The following NGEF variants were observed in gnomAD, a reference collection of about 807,000 sequenced individuals.
The protein encoded by NGEF is neuronal guanine nucleotide exchange factor.
Under a neutral mutation model 80.9 loss-of-function variants are expected in NGEF, and 31 were observed. The observed-to-expected ratio is 0.38, with a 90% CI of 0.29 to 0.52. The LOEUF (loss-of-function observed/expected upper bound fraction) is 0.52, where lower values mean the gene tolerates loss of function less well. Among genes scored for constraint, NGEF ranks in the 20% least tolerant of loss-of-function variants. NGEF has a pLI of 0.84. For missense variants in NGEF, 709 were observed against 926.2 expected, an observed-to-expected ratio of 0.77 and a Z score of 3.04; for synonymous variants, 371 against 370.2, an observed-to-expected ratio of 1.00 and a Z score of -0.03.
rs562253295 is a variant in NGEF, at chr2:232,888,116, A to C, written c.1273-9T>G. On this transcript the variant is annotated splice_polypyrimidine_tract_variant and intron_variant, in intron 8 of 14. Coordinates refer to ENST00000264051, the MANE Select transcript of NGEF (RefSeq NM_019850.3). ...ACCCTCTTCAGGATGTTCTATGCAC[A>C]GAGAAAGGCTGCGTTAACTTTAATC... 6.4e-7 allele frequency: 1 copy of C among 1,573,434 alleles called. No individual in the cohort carries two copies. The highest frequency in any genetic ancestry group is 1.2e-5 in the South Asian group (1 of 85,000).
At chr2:232,989,561 G>C (rs1428831670) in intron 1 of NGEF, among the ~76,000 whole-genome samples, 1 of 152,118 alleles carries the variant, frequency 6.6e-6, no homozygotes, top group African/African-American at 2.4e-5. Flanking sequence ...ACAGAAATGA[G>C]TCTATTCTAA....
chr2:233,007,802 T>A (rs376118799), intron 1 of NGEF, among the ~76,000 whole-genome samples: 1 of 152,212 alleles, frequency 6.6e-6, no homozygotes, highest in Non-Finnish European at 1.5e-5. Context: ...GATTTAGGAA[T>A]GCTTCCAAAG....
At chr2:233,008,517 A>T (rs1695135723) in intron 1 of NGEF, among the ~76,000 whole-genome samples, 1 of 152,224 alleles carries the variant, frequency 6.6e-6, no homozygotes, top group Non-Finnish European at 1.5e-5. Context: ...GCACCTTGGG[A>T]CTGACCCTGG....
At position 232,901,949 on chromosome 2, in the gene NGEF, G is replaced by A. The variant is rs183627770; in HGVS notation, c.829-7033C>T. On this transcript the variant is annotated intron_variant, in intron 5 of 14. Transcript: ENST00000264051. ...GGGCCACCTGGGCCGCTGAAGACCC[G>A]GCCTCAGTCTGTCCTCGGCAGGGCA... Among the ~76,000 whole-genome samples the A allele has an allele frequency of 1.4e-3, 216 of 152,350 alleles. 2 individuals carry two copies. The highest frequency in any genetic ancestry group is 4.2e-3 in the Admixed American group (65 of 15,306).
intron 3 of NGEF, among the ~76,000 whole-genome samples, chr2:232,931,334 C>G (rs973499018): frequency 2.0e-5 from 3 of 152,204 alleles, no homozygotes; most frequent in Admixed American, 6.5e-5. Context: ...CCACGCTTCT[C>G]TGTCAGAGGT....
chr2:232,885,265 A>G lies in NGEF; in HGVS notation c.1437+15T>C, dbSNP rs372454162. The G allele has an allele frequency of 6.8e-6, 11 of 1,612,314 alleles. No homozygotes were observed. The highest frequency in any genetic ancestry group is 2.2e-5 in the East Asian group (1 of 44,862). ...TGTGCATGGGCACAGGCTCACACCA[A>G]TCCCACCGGTTCACCTTGATCTTGA... On this transcript the variant is annotated intron_variant, in intron 10 of 14. Coordinates refer to ENST00000264051, the MANE Select transcript of NGEF (RefSeq NM_019850.3).
At chr2:232,960,797 G>A (rs1693934947) in intron 3 of NGEF, among the ~76,000 whole-genome samples, 3 of 152,300 alleles carry the variant, frequency 2.0e-5, no homozygotes, top group South Asian at 4.1e-4. Flanking sequence ...AGAATCACTT[G>A]AACCTGGGAG....
chr2:232,901,610 G>A (rs555473702), intron 5 of NGEF: 203 of 183,536 alleles, frequency 1.1e-3, no homozygotes, highest in African/African-American at 4.6e-3. Context: ...CCTTCCTCAC[G>A]GCCAGGAAAC....
chr2:232,899,236 AG>A (rs574946908), intron 5 of NGEF, among the ~76,000 whole-genome samples: 1 of 151,292 alleles, frequency 6.6e-6, no homozygotes, highest in African/African-American at 2.4e-5. Context: ...TGTGCATATG[AG>A]GGGGGCGTGT....
At chr2:233,011,913 A>G (rs1331735360) in intron 1 of NGEF, among the ~76,000 whole-genome samples, 1 of 152,124 alleles carries the variant, frequency 6.6e-6, no homozygotes, top group Non-Finnish European at 1.5e-5. Flanking sequence ...GGCTCCAGAA[A>G]GGGATGTGGG....
intron 3 of NGEF, among the ~76,000 whole-genome samples, chr2:232,940,869 T>A (rs1456443512): frequency 6.6e-6 from 1 of 152,238 alleles, no homozygotes; most frequent in Non-Finnish European, 1.5e-5. Context: ...TGGATTCTAA[T>A]GAAATTTTCC....
At chr2:232,960,380 T>A (rs1200985422) in intron 3 of NGEF, among the ~76,000 whole-genome samples, 7 of 152,122 alleles carry the variant, frequency 4.6e-5, no homozygotes, top group Non-Finnish European at 1.5e-5. Context: ...AGGGACTGAG[T>A]CAGTGACGTA....
chr2:232,982,432 G>T (rs1694451492), intron 1 of NGEF, among the ~76,000 whole-genome samples: 1 of 152,152 alleles, frequency 6.6e-6, no homozygotes, highest in East Asian at 1.9e-4. Flanking sequence ...GCTGATCCCA[G>T]ATCACCTACA....
intron 10 of NGEF, chr2:232,885,023 CT>C (rs1691629341): frequency 2.0e-6 from 1 of 492,438 alleles, no homozygotes; most frequent in African/African-American, 2.0e-5. Flanking sequence ...GGTCCACACC[CT>C]GCGTGGGTCT....
chr2:232,985,194 G>A (rs1213032211), intron 1 of NGEF, among the ~76,000 whole-genome samples: 3 of 152,114 alleles, frequency 2.0e-5, no homozygotes, highest in Non-Finnish European at 4.4e-5. Flanking sequence ...TATATTGTCG[G>A]AAGACCTGAG....
At chr2:232,919,676 C>T (rs1177717400) in intron 5 of NGEF, among the ~76,000 whole-genome samples, 3 of 152,278 alleles carry the variant, frequency 2.0e-5, no homozygotes, top group Admixed American at 1.3e-4. Context: ...TAGCAACAAA[C>T]CATCAAGCAA....
rs536201823 is a variant in NGEF, at chr2:232,886,528, G to A, written c.1348-1159C>T. 8.5e-5 allele frequency among the ~76,000 whole-genome samples: 13 copies of A among 152,296 alleles called. No homozygotes were observed. In the South Asian group the frequency reaches 2.1e-3, roughly 24 times the overall value. Reference sequence around the variant, plus strand: ...CAGGGAGGGCGAGGTGGCTAGTGAAGTTTATTTTCTTTTTACTTACAAGCA... The same window carrying A: ...CAGGGAGGGCGAGGTGGCTAGTGAAATTTATTTTCTTTTTACTTACAAGCA... On this transcript the variant is annotated intron_variant, in intron 9 of 14. Transcript: ENST00000264051.
In NGEF at chr2:232,879,409, T is replaced by C. The variant is rs1455866654; in HGVS notation, c.*80A>G. On this transcript the variant is annotated 3_prime_UTR_variant, in exon 15 of 15. Transcript: ENST00000264051. Reference sequence around the variant, plus strand: ...TGCCACCTGGGGAGGTGCTGGCCTGTGCTTCCCAGAGCCCCCCCCCCCCCA... The same window carrying C: ...TGCCACCTGGGGAGGTGCTGGCCTGCGCTTCCCAGAGCCCCCCCCCCCCCA... 7.1e-7 allele frequency: 1 copy of C among 1,402,806 alleles called. No individual in the cohort carries two copies. The highest frequency in any genetic ancestry group is 1.7e-5 in the African/African-American group (1 of 60,272). 86.9% of individuals were successfully genotyped at this position (1,402,806 alleles called of 1,614,324 possible). A position where few individuals can be genotyped will look rare whatever the true frequency, so the allele number is the denominator to read the frequency against.
chr2:232,938,140 T>A (rs1361170658), intron 3 of NGEF, among the ~76,000 whole-genome samples: 2 of 152,218 alleles, frequency 1.3e-5, no homozygotes, highest in African/African-American at 4.8e-5. Flanking sequence ...TGCTGAAGAC[T>A]GGAGATTGCT....
Sources: allele counts gnomAD v4.1 joint callset (sites outside exome capture counted in the v4.1 genomes callset), GRCh38; gene constraint gnomAD v4.1.1; transcripts MANE v1.5; gene names NCBI Gene and HGNC (gene_info 2026-07-23, HGNC 2026-07-21).